The following QTMAN variants were observed in gnomAD, a reference collection of about 807,000 sequenced individuals.
QTMAN encodes the protein queuosine-tRNA mannosyltransferase, also known as tRNA-queuosine alpha-mannosyltransferase.
chr2:144,172,794 T>A, the QTMAN span, among the ~76,000 whole-genome samples: 1 of 152,050 alleles, frequency 6.6e-6, no homozygotes, highest in Admixed American at 6.6e-5. Flanking sequence ...TAGAGATGCC[T>A]CACCTAAGAT....
At chr2:144,017,779 T>C in the QTMAN span, among the ~76,000 whole-genome samples, 3 of 152,320 alleles carry the variant, frequency 2.0e-5, no homozygotes, top group East Asian at 5.8e-4. Flanking sequence ...TAATCGTTAC[T>C]AGAGAAACAT....
At chr2:144,158,387 C>T in the QTMAN span, among the ~76,000 whole-genome samples, 1 of 151,858 alleles carries the variant, frequency 6.6e-6, no homozygotes, top group Non-Finnish European at 1.5e-5. Flanking sequence ...AATTCAGTAT[C>T]GTCAACACTT....
chr2:144,262,272 C>T, the QTMAN span, among the ~76,000 whole-genome samples: 1 of 152,076 alleles, frequency 6.6e-6, no homozygotes, highest in African/African-American at 2.4e-5. Flanking sequence ...ATTAGGAAGT[C>T]CAGTGTAGTA....
chr2:144,069,702 C>T, the QTMAN span, among the ~76,000 whole-genome samples: 1 of 152,014 alleles, frequency 6.6e-6, no homozygotes, highest in African/African-American at 2.4e-5. Context: ...TACCTTTATG[C>T]TCCAAATATT....
At chr2:144,182,158 G>A in the QTMAN span, among the ~76,000 whole-genome samples, 5 of 152,110 alleles carry the variant, frequency 3.3e-5, no homozygotes, top group Admixed American at 2.6e-4. Flanking sequence ...TCAGTCCACA[G>A]CACAATGAAA....
At chr2:143,987,152 C>A in the QTMAN span, among the ~76,000 whole-genome samples, 12 of 152,264 alleles carry the variant, frequency 7.9e-5, no homozygotes, top group South Asian at 1.7e-3. Context: ...TGGGCTCTGG[C>A]ACAAGAGATG....
At chr2:144,100,876 T>C in the QTMAN span, among the ~76,000 whole-genome samples, 1 of 134,828 alleles carries the variant, frequency 7.4e-6, no homozygotes, top group African/African-American at 2.8e-5. Flanking sequence ...TTTTTTTTTT[T>C]TTTTTTTTTT....
At chr2:144,145,567 C>G in the QTMAN span, 1 of 1,600,820 alleles carries the variant, frequency 6.2e-7, no homozygotes, top group Non-Finnish European at 8.5e-7. Context: ...ACAATCCATA[C>G]CTACCATGAA....
At chr2:144,158,448 T>C in the QTMAN span, among the ~76,000 whole-genome samples, 1 of 151,810 alleles carries the variant, frequency 6.6e-6, no homozygotes, top group Non-Finnish European at 1.5e-5. Context: ...TGCCAGAATG[T>C]AACATAAGTG....
the QTMAN span, among the ~76,000 whole-genome samples, chr2:144,258,559 TA>T: frequency 1.3e-5 from 2 of 152,182 alleles, no homozygotes; most frequent in Admixed American, 6.5e-5. Flanking sequence ...GAAATCCAGT[TA>T]TGTGATACCC....
chr2:143,968,156 C>T, the QTMAN span, among the ~76,000 whole-genome samples: 15 of 152,248 alleles, frequency 9.9e-5, no homozygotes, highest in South Asian at 2.1e-3. Context: ...GTGCCATGGC[C>T]GTGAAGACTC....
At chr2:144,014,468 T>C in the QTMAN span, among the ~76,000 whole-genome samples, 770 of 152,240 alleles carry the variant, frequency 5.1e-3, 7 homozygotes, top group African/African-American at 0.018. Flanking sequence ...GCTTGAACTA[T>C]GAGGAATCTG....
At chr2:144,063,000 T>C in the QTMAN span, among the ~76,000 whole-genome samples, 8 of 152,152 alleles carry the variant, frequency 5.3e-5, no homozygotes, top group African/African-American at 9.7e-5. Context: ...AGCCCCAGGC[T>C]AGAGTAATTG....
At chr2:144,041,893 G>A in the QTMAN span, among the ~76,000 whole-genome samples, 1 of 152,138 alleles carries the variant, frequency 6.6e-6, no homozygotes, top group African/African-American at 2.4e-5. Context: ...TCTGTTTGAG[G>A]AGCTGGTATA....
At chr2:144,307,979 T>C in the QTMAN span, among the ~76,000 whole-genome samples, 2 of 152,172 alleles carry the variant, frequency 1.3e-5, no homozygotes, top group Non-Finnish European at 2.9e-5. Context: ...AAGCCGATTC[T>C]CTAATTGATA....
At chr2:143,971,736 G>GA in the QTMAN span, among the ~76,000 whole-genome samples, 6 of 151,542 alleles carry the variant, frequency 4.0e-5, no homozygotes, top group Non-Finnish European at 5.9e-5. Flanking sequence ...TTTACATTAT[G>GA]AAAAAATAGT....
At chr2:144,039,280 T>A in the QTMAN span, among the ~76,000 whole-genome samples, 1 of 152,052 alleles carries the variant, frequency 6.6e-6, no homozygotes, top group Non-Finnish European at 1.5e-5. Flanking sequence ...GTGTGATGCG[T>A]CTCCCCCTCC....
chr2:144,088,248 TTAAC>T, the QTMAN span, among the ~76,000 whole-genome samples: 1 of 151,548 alleles, frequency 6.6e-6, no homozygotes, highest in South Asian at 2.1e-4. Context: ...AAGAATAAAT[TTAAC>T]TATTTGACCA....
chr2:144,009,929 A>G, the QTMAN span, among the ~76,000 whole-genome samples: 58 of 152,208 alleles, frequency 3.8e-4, no homozygotes, highest in East Asian at 0.011. Context: ...TGGTAAGAGA[A>G]GGAACATCTG....
Sources: allele counts gnomAD v4.1 joint callset (sites outside exome capture counted in the v4.1 genomes callset), GRCh38; gene constraint gnomAD v4.1.1; transcripts MANE v1.5; gene names NCBI Gene and HGNC (gene_info 2026-07-23, HGNC 2026-07-21).